Variants in ASPH observed in about 807,000 individuals in gnomAD.
ASPH encodes aspartyl/asparaginyl beta-hydroxylase.
Under a neutral mutation model 118.4 loss-of-function variants are expected in ASPH, and 100 were observed. The observed-to-expected ratio is 0.84, with a 90% CI of 0.72 to 1.00. The LOEUF (loss-of-function observed/expected upper bound fraction) is 1.00. ASPH is among the 50% of genes least tolerant of loss of function. The probability of loss-of-function intolerance (pLI) is 0.00; values close to 1 mark genes in which losing one functional copy is unlikely to be tolerated. For synonymous variants in ASPH, 315 were observed against 325.6 expected (o/e 0.97, Z 0.35); for missense variants, 920 against 919.5 (o/e 1.00, Z -0.01).
At chr8:61,699,026 G>A (rs1328921215) in intron 1 of ASPH, among the ~76,000 whole-genome samples, 2 of 152,192 alleles carry the variant, frequency 1.3e-5, no homozygotes, top group East Asian at 3.9e-4. Context: ...TTGCCTGGGG[G>A]CTTTGGCCAC....
chr8:61,522,480 C>G lies in ASPH; in HGVS notation c.1900+3497G>C, dbSNP rs79611954. On this transcript the variant is annotated intron_variant, in intron 22 of 24. Coordinates refer to ENST00000379454, the MANE Select transcript of ASPH (RefSeq NM_004318.4). ...CATCCCTAGTGATATGGTTTGGCTGCATCCCCACCCAAATCTCATCTTGAA... is the reference window on the plus strand; with the variant it reads ...CATCCCTAGTGATATGGTTTGGCTGGATCCCCACCCAAATCTCATCTTGAA... Among the ~76,000 whole-genome samples the G allele has an allele frequency of 8.0e-3, 1,222 of 152,254 alleles. 11 individuals carry two copies. Among genetic ancestry groups the G allele is most frequent in the African/African-American group, 0.028 (1,171 of 41,556 alleles).
chr8:61,685,142 A>G (rs1829950086), intron 1 of ASPH, among the ~76,000 whole-genome samples: 1 of 151,918 alleles, frequency 6.6e-6, no homozygotes, highest in African/African-American at 2.4e-5. Flanking sequence ...TCCTGCCACT[A>G]TTTCTACAGA....
chr8:61,633,567 A>G (rs1466486389), intron 13 of ASPH, 116 bp downstream of exon 13: 2 of 851,982 alleles, frequency 2.3e-6, no homozygotes, highest in East Asian at 2.8e-5. Context: ...ATTAAGGTAC[A>G]GTTAATCTCT....
chr8:61,703,482 T>A (rs764520403), intron 1 of ASPH, among the ~76,000 whole-genome samples: 3 of 151,758 alleles, frequency 2.0e-5, no homozygotes, highest in Non-Finnish European at 4.4e-5. Context: ...TAGCAGCAAA[T>A]AATGGGAAAA....
At chr8:61,596,442 G>A (rs909880556) in intron 14 of ASPH, among the ~76,000 whole-genome samples, 1 of 152,236 alleles carries the variant, frequency 6.6e-6, no homozygotes, top group Admixed American at 6.5e-5. Flanking sequence ...AACCAAGTAA[G>A]CCTTCTGAAG....
intron 3 of ASPH, among the ~76,000 whole-genome samples, chr8:61,674,319 T>C (rs902402603): frequency 1.3e-5 from 2 of 152,208 alleles, no homozygotes; most frequent in Admixed American, 6.5e-5. Flanking sequence ...TGAATAAATT[T>C]TCAGAAGGAA....
At chr8:61,559,827 C>T (rs1478666021) in intron 18 of ASPH, among the ~76,000 whole-genome samples, 1 of 151,952 alleles carries the variant, frequency 6.6e-6, no homozygotes, top group Non-Finnish European at 1.5e-5. Context: ...ACATTTTAGT[C>T]TGGAAGGGCC....
chr8:61,562,676 TA>T, intron 18 of ASPH, 67 bp downstream of exon 18: 1 of 1,393,262 alleles, frequency 7.2e-7, no homozygotes, highest in Non-Finnish European at 9.6e-7. Context: ...AGACTGGGTA[TA>T]ATAAATGTAA....
chr8:61,519,781 G>A (rs1217477692), intron 22 of ASPH, among the ~76,000 whole-genome samples: 5 of 152,138 alleles, frequency 3.3e-5, no homozygotes, highest in Admixed American at 2.6e-4. Flanking sequence ...GGGGAATGTG[G>A]GCAGCCTCTA....
At chr8:61,533,323 T>C (rs1161886091) in intron 21 of ASPH, among the ~76,000 whole-genome samples, 2 of 152,208 alleles carry the variant, frequency 1.3e-5, no homozygotes, top group Non-Finnish European at 2.9e-5. Flanking sequence ...GGGTCTTCAA[T>C]TCTTCCTTTT....
chr8:61,633,831 A>G lies in ASPH; in HGVS notation c.890-104T>C, dbSNP rs559944847. 4.4e-4 allele frequency: 334 copies of G among 764,702 alleles called. 1 individual carries two copies. In the African/African-American group the frequency reaches 5.2e-3, roughly 12 times the overall value. 47.4% of individuals were successfully genotyped at this position (764,702 alleles called of 1,614,324 possible). A position where few individuals can be genotyped will look rare whatever the true frequency, so the allele number is the denominator to read the frequency against. ...TGATGATACTTTTCATAGATTTTTTAAACAATTCAATTGAAATTTTAATAA... is the reference window on the plus strand; with the variant it reads ...TGATGATACTTTTCATAGATTTTTTGAACAATTCAATTGAAATTTTAATAA... On this transcript the variant is annotated intron_variant, in intron 12 of 24. Coordinates refer to ENST00000379454, the MANE Select transcript of ASPH (RefSeq NM_004318.4).
At chr8:61,622,396 C>T (rs1034208881) in intron 13 of ASPH, among the ~76,000 whole-genome samples, 4 of 152,190 alleles carry the variant, frequency 2.6e-5, no homozygotes, top group African/African-American at 4.8e-5. Flanking sequence ...CCAGCCACTG[C>T]GCTAATCTGC....
chr8:61,668,318 T>C lies in ASPH; in HGVS notation c.322+12650A>G, dbSNP rs561247518. 23 of 1,508,732 alleles carry C rather than the reference T, an allele frequency of 1.5e-5. No homozygotes were observed. In the Admixed American group the frequency reaches 4.0e-4, roughly 26 times the overall value. The allele number at this position is 1,508,732 out of a possible 1,614,324, so 93.5% of individuals were successfully genotyped here. A position where few individuals can be genotyped will look rare whatever the true frequency, so the allele number is the denominator to read the frequency against. On this transcript the variant is annotated intron_variant, in intron 3 of 24. Transcript: ENST00000379454. ...ATGAAAATAGGTTATAAACAGAAAA[T>C]TTAAGGGAATTCAAAAATAAGTGTC...
chr8:61,589,504 C>A (rs965388287), intron 14 of ASPH, among the ~76,000 whole-genome samples: 1 of 152,198 alleles, frequency 6.6e-6, no homozygotes, highest in Non-Finnish European at 1.5e-5. Context: ...CGAATCTAGA[C>A]CTAGCTAGGC....
chr8:61,617,481 G>T (rs1280321086), intron 14 of ASPH, among the ~76,000 whole-genome samples: 1 of 152,184 alleles, frequency 6.6e-6, no homozygotes, highest in Non-Finnish European at 1.5e-5. Context: ...TATATCGGAA[G>T]ATCCAGGAAG....
chr8:61,630,046 T>A (rs879945609), intron 13 of ASPH, among the ~76,000 whole-genome samples: 6 of 152,182 alleles, frequency 3.9e-5, no homozygotes, highest in Non-Finnish European at 7.4e-5. Flanking sequence ...AGCGCCTACA[T>A]AATGCTTAAT....
intron 19 of ASPH, among the ~76,000 whole-genome samples, chr8:61,553,623 A>G (rs1046852488): frequency 1.3e-5 from 2 of 151,754 alleles, no homozygotes; most frequent in Non-Finnish European, 2.9e-5. Flanking sequence ...TTTACAAAAC[A>G]TACAGGAGAA....
rs1419704341 is a variant in ASPH at position 61,580,217 on chromosome 8, G to A, written c.1063-3359C>T. Among the ~76,000 whole-genome samples the A allele has an allele frequency of 3.9e-5, 6 of 152,146 alleles. No homozygotes were observed. In the East Asian group the frequency reaches 1.2e-3, roughly 29 times the overall value. Reference sequence around the variant, plus strand: ...GCTGTTGGTGGATCTACCATTCTGGGGCCTGCAGGATGGTGGCCGTCTTCT... The same window carrying A: ...GCTGTTGGTGGATCTACCATTCTGGAGCCTGCAGGATGGTGGCCGTCTTCT... On this transcript the variant is annotated intron_variant, in intron 15 of 24. Coordinates refer to ENST00000379454, the MANE Select transcript of ASPH (RefSeq NM_004318.4).
chr8:61,628,130 CA>C (rs2150670361), intron 13 of ASPH, among the ~76,000 whole-genome samples: 1 of 151,888 alleles, frequency 6.6e-6, no homozygotes, highest in South Asian at 2.1e-4. Flanking sequence ...TGGATTTTTT[CA>C]GTGACTTCTT....
Sources: allele counts gnomAD v4.1 joint callset (sites outside exome capture counted in the v4.1 genomes callset), GRCh38; gene constraint gnomAD v4.1.1; transcripts MANE v1.5; gene names NCBI Gene and HGNC (gene_info 2026-07-23, HGNC 2026-07-21).